SMIM27: variants seen among roughly 807,000 people sequenced by gnomAD.
The protein encoded by SMIM27 is transition zone microprotein 1, also known as TOPORS antisense RNA 1 (non-protein coding).
Under a neutral mutation model 1.8 loss-of-function variants are expected in SMIM27, and 3 were observed. The ratio of observed to expected loss-of-function variants is 1.65; its 90% confidence interval spans 0.75 to 4.28. The LOEUF (loss-of-function observed/expected upper bound fraction) is 4.28. SMIM27 is among the 30% of genes most tolerant of loss of function. SMIM27 has a pLI of 0.02. For synonymous variants in SMIM27, 19 were observed against 13.9 expected, an observed-to-expected ratio of 1.37 and a Z score of -0.82; for missense variants, 63 against 37.0, an observed-to-expected ratio of 1.70 and a Z score of -1.83.
At chr9:32,557,308 C>T (rs1379890396), downstream of SMIM27, among the ~76,000 whole-genome samples, 2 of 148,540 alleles carry the variant, frequency 1.3e-5, no homozygotes, top group African/African-American at 2.5e-5. Context: ...GGATTACAGG[C>T]GTGCACCACC....
chr9:32,557,408 A>T (rs1821495030), downstream of SMIM27, among the ~76,000 whole-genome samples: 1 of 148,256 alleles, frequency 6.7e-6, no homozygotes, highest in Non-Finnish European at 1.5e-5. Flanking sequence ...GCCTCAAGGG[A>T]TCCACCCACC....
exon 2 of SMIM27, chr9:32,566,596 C>T: frequency 1.3e-6 from 1 of 785,264 alleles, no homozygotes; most frequent in Non-Finnish European, 2.4e-6. Context: ...GAGCGGAGGA[C>T]CCGCAGGAAT....
intron 1 of SMIM27, among the ~76,000 whole-genome samples, chr9:32,563,596 T>A (rs1309707546): frequency 6.7e-6 from 1 of 148,418 alleles, no homozygotes; most frequent in East Asian, 2.0e-4. Context: ...AGTGTTGGGA[T>A]TACAGGTGTG....
At chr9:32,562,108 T>C (rs1338786013) in intron 1 of SMIM27, among the ~76,000 whole-genome samples, 1 of 152,204 alleles carries the variant, frequency 6.6e-6, no homozygotes, top group African/African-American at 2.4e-5. Context: ...TCTAGTCAGC[T>C]CCTCAGTCTT....
At chr9:32,562,134 C>T (rs571269046) in intron 1 of SMIM27, among the ~76,000 whole-genome samples, 11 of 152,290 alleles carry the variant, frequency 7.2e-5, no homozygotes, top group Admixed American at 5.9e-4. Flanking sequence ...CATACGGCCA[C>T]GTTCATTACT....
intron 1 of SMIM27, among the ~76,000 whole-genome samples, chr9:32,563,150 A>C (rs962825434): frequency 1.3e-5 from 2 of 152,150 alleles, no homozygotes; most frequent in East Asian, 1.9e-4. Context: ...CTGTGTTCTT[A>C]TTGCAGCCTA....
At chr9:32,551,407 G>T (rs1156814388), upstream of SMIM27, 1 of 325,384 alleles carries the variant, frequency 3.1e-6, no homozygotes, top group East Asian at 8.1e-5. Flanking sequence ...GGAGTCCAAC[G>T]GGATCCCAAA....
At chr9:32,560,592 A>G (rs1382311025) in intron 1 of SMIM27, among the ~76,000 whole-genome samples, 1 of 152,244 alleles carries the variant, frequency 6.6e-6, no homozygotes, top group Non-Finnish European at 1.5e-5. Flanking sequence ...TCTAGTTAAA[A>G]TGCATAATTG....
intron 1 of SMIM27, among the ~76,000 whole-genome samples, chr9:32,560,839 T>C (rs1821604610): frequency 1.3e-5 from 2 of 152,188 alleles, no homozygotes; most frequent in African/African-American, 2.4e-5. Flanking sequence ...AATAGAATTT[T>C]AAAACTGAAT....
At chr9:32,563,445 AAGCGATCCTCCTGCTTC>A (rs1326153391) in intron 1 of SMIM27, among the ~76,000 whole-genome samples, 1 of 148,508 alleles carries the variant, frequency 6.7e-6, no homozygotes, top group African/African-American at 2.5e-5. Context: ...TCCTGGGCTC[AAGCGATCCTCCTGCTTC>A]AGCCTCCTGA....
At chr9:32,559,099 T>G (rs1821556245) in intron 1 of SMIM27, 1 of 506,068 alleles carries the variant, frequency 2.0e-6, no homozygotes, top group Non-Finnish European at 3.6e-6. Flanking sequence ...ACTCAACATC[T>G]CTACTTAGCT....
downstream of SMIM27, among the ~76,000 whole-genome samples, chr9:32,555,321 A>G (rs147394211): frequency 2.9e-3 from 440 of 152,362 alleles, 3 homozygotes; most frequent in African/African-American, 9.4e-3. Context: ...CAATAAGTTA[A>G]CACAAGAAAT....
At chr9:32,562,962 G>C (rs1821669118) in intron 1 of SMIM27, among the ~76,000 whole-genome samples, 1 of 152,076 alleles carries the variant, frequency 6.6e-6, no homozygotes, top group African/African-American at 2.4e-5. Flanking sequence ...CCTCAATCTG[G>C]AACAATCTTA....
intron 1 of SMIM27, among the ~76,000 whole-genome samples, chr9:32,564,515 T>TA (rs1235296932): frequency 1.1e-4 from 17 of 150,748 alleles, no homozygotes; most frequent in African/African-American, 4.0e-4. Flanking sequence ...TTACACTTTT[T>TA]TAAAAAAAAG....
Position 32,563,491 on chromosome 9 carries a change from C to CTTTTTTTTTTTTTTTTTTTTT in SMIM27, c.46-2887_46-2886insTTTTTTTTTTTTTTTTTTTTT, listed in dbSNP as rs111646430. ...CTCCTGAACAGGTGGGACTATTGGGCTTTTTTTTTTTTTGGAGGGATGGGG... is the reference window on the plus strand; with the variant it reads ...CTCCTGAACAGGTGGGACTATTGGGCTTTTTTTTTTTTTTTTTTTTTTTTTTTTTTTTTTGGAGGGATGGGG... On this transcript the variant is annotated intron_variant, in intron 1 of 1. Transcript: ENST00000451672. 1.7e-4 allele frequency among the ~76,000 whole-genome samples: 16 copies of CTTTTTTTTTTTTTTTTTTTTT among 91,988 alleles called. 3 individuals carry two copies. Among genetic ancestry groups the CTTTTTTTTTTTTTTTTTTTTT allele is most frequent in the African/African-American group, 5.8e-4 (13 of 22,582 alleles). 60.3% of individuals were successfully genotyped at this position (91,988 alleles called of 152,430 possible).
intron 1 of SMIM27, among the ~76,000 whole-genome samples, chr9:32,558,026 C>T (rs1187821185): frequency 6.6e-6 from 1 of 152,160 alleles, no homozygotes; most frequent in Admixed American, 6.5e-5. Context: ...TCACAAACAG[C>T]TAGTAAATAC....
chr9:32,561,552 C>T (rs1022348606), intron 1 of SMIM27, among the ~76,000 whole-genome samples: 7 of 152,032 alleles, frequency 4.6e-5, no homozygotes, highest in Non-Finnish European at 1.0e-4. Flanking sequence ...TGGTCTCGAA[C>T]CTCTGAGCTC....
intron 1 of SMIM27, among the ~76,000 whole-genome samples, chr9:32,565,954 G>A (rs1162560693): frequency 5.3e-5 from 8 of 151,724 alleles, no homozygotes; most frequent in Non-Finnish European, 1.2e-4. Context: ...CCTGGGCAAC[G>A]AAAGTGAAAC....
downstream of SMIM27, among the ~76,000 whole-genome samples, chr9:32,557,757 G>A (rs143909152): frequency 0.01 from 1,522 of 152,058 alleles, 32 homozygotes; most frequent in African/African-American, 0.035. Context: ...GATTACACGC[G>A]TGAGCCACCG....
Sources: allele counts gnomAD v4.1 joint callset (sites outside exome capture counted in the v4.1 genomes callset), GRCh38; gene constraint gnomAD v4.1.1; transcripts MANE v1.5; gene names NCBI Gene and HGNC (gene_info 2026-07-23, HGNC 2026-07-21).